The following ZFHX3 variants were observed in gnomAD, a reference collection of about 807,000 sequenced individuals.
ZFHX3 encodes the protein zinc finger homeobox protein 3.
Under a neutral mutation model 279.1 loss-of-function variants are expected in ZFHX3, and 42 were observed. The observed-to-expected ratio is 0.15, with a 90% CI of 0.12 to 0.19. ZFHX3 has a LOEUF of 0.19. Among genes scored for constraint, ZFHX3 ranks in the 10% least tolerant of loss-of-function variants. ZFHX3 has a pLI of 1.00. For synonymous variants in ZFHX3, 2,293 were observed against 1,957.8 expected (o/e 1.17, Z -4.52); for missense variants, 4,981 against 4,754.0 (o/e 1.05, Z -1.40).
intron 4 of ZFHX3, among the ~76,000 whole-genome samples, chr16:72,853,514 A>T (rs1419998093): frequency 1.3e-5 from 2 of 152,222 alleles, no homozygotes; most frequent in Admixed American, 6.5e-5. Context: ...CTAACTGGAG[A>T]TCGATGCTGC....
At chr16:73,188,847 C>G (rs985877433) in intron 5 of ZFHX3, among the ~76,000 whole-genome samples, 1 of 149,638 alleles carries the variant, frequency 6.7e-6, no homozygotes, top group African/African-American at 2.5e-5. Flanking sequence ...GGGAGGCTAG[C>G]GTCTGGATAT....
At chr16:73,268,825 C>G (rs1400870918) in intron 4 of ZFHX3, among the ~76,000 whole-genome samples, 1 of 152,152 alleles carries the variant, frequency 6.6e-6, no homozygotes, top group African/African-American at 2.4e-5. Flanking sequence ...CTGGGACATG[C>G]TTCCTACAAA....
intron 2 of ZFHX3, among the ~76,000 whole-genome samples, chr16:73,525,390 G>A (rs771232278): frequency 3.9e-5 from 6 of 152,138 alleles, no homozygotes; most frequent in Non-Finnish European, 7.4e-5. Context: ...CTAATGAGAA[G>A]ACCCTCCCTC....
intron 3 of ZFHX3, among the ~76,000 whole-genome samples, chr16:73,396,561 G>C (rs12927703): frequency 6.6e-6 from 1 of 152,114 alleles, no homozygotes; most frequent in Non-Finnish European, 1.5e-5. Flanking sequence ...AGGCTGGAAA[G>C]GAAACTTACA....
At chr16:73,751,153 A>G (rs548968553) in intron 1 of ZFHX3, among the ~76,000 whole-genome samples, 1 of 152,212 alleles carries the variant, frequency 6.6e-6, no homozygotes, top group Admixed American at 6.5e-5. Context: ...AAAGATACGG[A>G]CTGAGGACCT....
intron 1 of ZFHX3, among the ~76,000 whole-genome samples, chr16:73,710,012 T>A (rs1228012715): frequency 8.9e-6 from 1 of 112,818 alleles, no homozygotes; most frequent in Non-Finnish European, 2.0e-5. Flanking sequence ...TGAAGCCTCA[T>A]CTCTACTAAA....
intron 3 of ZFHX3, among the ~76,000 whole-genome samples, chr16:73,448,685 C>CGTACGTGTGT (rs2018230919): frequency 7.0e-6 from 1 of 142,154 alleles, no homozygotes; most frequent in Admixed American, 7.1e-5. Flanking sequence ...TATTTATATA[C>CGTACGTGTGT]GTGTGTGTGT....
At chr16:73,433,000 C>G (rs1168150993) in intron 3 of ZFHX3, among the ~76,000 whole-genome samples, 1 of 152,194 alleles carries the variant, frequency 6.6e-6, no homozygotes, top group African/African-American at 2.4e-5. Context: ...CTGAGAATAA[C>G]TCCTGGCCAA....
chr16:72,953,825 C>A (rs1288149976), intron 2 of ZFHX3, among the ~76,000 whole-genome samples: 4 of 152,158 alleles, frequency 2.6e-5, no homozygotes, highest in African/African-American at 9.7e-5. Flanking sequence ...CCTTGGACTC[C>A]CACAGTGTTG....
intron 2 of ZFHX3, among the ~76,000 whole-genome samples, chr16:73,599,744 A>AC (rs1555527364): frequency 2.3e-4 from 35 of 151,366 alleles, no homozygotes; most frequent in African/African-American, 5.3e-4. Context: ...AAAAAAAAAA[A>AC]AACAACAACC....
At chr16:73,065,609 G>C (rs930560008) in intron 8 of ZFHX3, among the ~76,000 whole-genome samples, 7 of 126,510 alleles carry the variant, frequency 5.5e-5, no homozygotes, top group Non-Finnish European at 1.0e-4. Context: ...GTGTGTGTGC[G>C]TGTGTGTGTC....
chr16:72,787,362 A>AGAT lies in ZFHX3; in HGVS notation c.10911_10913dup (p.Ser3639dup), dbSNP rs1374803523. On this transcript the variant is annotated inframe_insertion, in exon 10 of 10. Coordinates refer to ENST00000268489, the MANE Select transcript of ZFHX3 (RefSeq NM_006885.4). Reference sequence around the variant, plus strand: ...TGCATGAACTTGAGGTAACCGTTGAAGATGAGGAGAGAGGAGGAAAAGAAG... The same window carrying AGAT: ...TGCATGAACTTGAGGTAACCGTTGAAGATGATGAGGAGAGAGGAGGAAAAGAAG... 1.2e-6 allele frequency: 2 copies of AGAT among 1,611,386 alleles called. No homozygotes were observed. The highest frequency in any genetic ancestry group is 1.3e-5 in the African/African-American group (1 of 74,688).
chr16:73,800,650 T>C (rs1221163215), intron 1 of ZFHX3, among the ~76,000 whole-genome samples: 4 of 151,174 alleles, frequency 2.6e-5, no homozygotes, highest in Non-Finnish European at 5.9e-5. Context: ...ACATCAGGGC[T>C]CCTCCAAGAC....
At chr16:72,882,238 A>G (rs1479620964) in intron 4 of ZFHX3, among the ~76,000 whole-genome samples, 2 of 147,572 alleles carry the variant, frequency 1.4e-5, no homozygotes, top group African/African-American at 2.5e-5. Context: ...CACAGTATCA[A>G]TGCTTCTCCC....
At chr16:73,203,145 A>T (rs1042945644) in intron 5 of ZFHX3, among the ~76,000 whole-genome samples, 4 of 151,982 alleles carry the variant, frequency 2.6e-5, no homozygotes, top group African/African-American at 9.7e-5. Context: ...TCCAGGAGTC[A>T]CTGACCCACA....
chr16:72,959,686 C>G lies in ZFHX3; in HGVS notation c.460G>C (p.Gly154Arg). ...CCACTGCCACTCCCACAGGCGCCCC[C>G]GCCCTGGGTCAGCTGGCTCAGGCTC... ...VESLSQLTQG[G>R]GACGSGSGSG... Residue 154 changes from glycine (G) to arginine (R), a missense_variant, in exon 2 of 10, where the codon GGG becomes CGG. Coordinates refer to ENST00000268489, the MANE Select transcript of ZFHX3 (RefSeq NM_006885.4). 2 of 1,613,940 alleles carry G rather than the reference C, an allele frequency of 1.2e-6. No individual in the cohort carries two copies. The highest frequency in any genetic ancestry group is 1.3e-5 in the African/African-American group (1 of 75,072).
intron 1 of ZFHX3, among the ~76,000 whole-genome samples, chr16:72,993,158 A>C (rs1037806209): frequency 6.6e-6 from 1 of 152,186 alleles, no homozygotes; most frequent in African/African-American, 2.4e-5. Context: ...AAAAAAAACA[A>C]GAACTGCAAA....
intron 3 of ZFHX3, among the ~76,000 whole-genome samples, chr16:73,453,018 A>G (rs1429876161): frequency 2.6e-5 from 4 of 152,168 alleles, no homozygotes; most frequent in African/African-American, 9.7e-5. Context: ...ATATCTGTCT[A>G]CTTACCTACC....
Position 73,419,159 on chromosome 16 carries a change from T to TG in ZFHX3, c.-1291+36843dup, listed in dbSNP as rs2017663684. ...TGTTCTGTACAAGCAAGATGTTGAGTGAGACAGACCGGCTAATGAAGGAAA... is the reference window on the plus strand; with the variant it reads ...TGTTCTGTACAAGCAAGATGTTGAGTGGAGACAGACCGGCTAATGAAGGAAA... On this transcript the variant is annotated intron_variant, in intron 3 of 17. Coordinates refer to the ZFHX3 transcript ENST00000641206. Among the ~76,000 whole-genome samples, 3 of 152,212 alleles carry TG rather than the reference T, an allele frequency of 2.0e-5. No individual in the cohort carries two copies. In the South Asian group the frequency reaches 6.2e-4, roughly 32 times the overall value.
Sources: allele counts gnomAD v4.1 joint callset (sites outside exome capture counted in the v4.1 genomes callset), GRCh38; gene constraint gnomAD v4.1.1; transcripts MANE v1.5; gene names NCBI Gene and HGNC (gene_info 2026-07-23, HGNC 2026-07-21).